The following PTGFR variants were observed in gnomAD, a reference collection of about 807,000 sequenced individuals.
The protein encoded by PTGFR is prostaglandin F receptor, also known as prostaglandin F2-alpha receptor.
In PTGFR, 15 loss-of-function variants were observed where a neutral mutation model predicts 26.2. The observed-to-expected ratio is 0.57, with a 90% CI of 0.38 to 0.88. The LOEUF is 0.88. PTGFR is among the 40% of genes least tolerant of loss of function. The probability of loss-of-function intolerance (pLI) is 0.00; values close to 1 mark genes in which losing one functional copy is unlikely to be tolerated. For synonymous variants in PTGFR, 165 were observed against 151.1 expected (o/e 1.09, Z -0.68); for missense variants, 369 against 427.2 (o/e 0.86, Z 1.20).
intron 2 of PTGFR, among the ~76,000 whole-genome samples, chr1:78,509,512 C>A (rs1347664422): frequency 6.6e-6 from 1 of 152,192 alleles, no homozygotes; most frequent in African/African-American, 2.4e-5. Context: ...AAATTTATTT[C>A]CAAATTTCAA....
At chr1:78,504,991 T>G (rs1649794371) in intron 2 of PTGFR, among the ~76,000 whole-genome samples, 1 of 152,146 alleles carries the variant, frequency 6.6e-6, no homozygotes, top group Non-Finnish European at 1.5e-5. Flanking sequence ...AATTTTAATA[T>G]AGAGTGTTTC....
At position 78,532,390 on chromosome 1, in the gene PTGFR, A is replaced by ATATATATATATATATG. The variant is rs1317673207; in HGVS notation, c.799-4009_799-4008insATATATATGTATATAT. ...TATATATATATATATATATATATAT[A>ATATATATATATATATG]TATATATGTATATATGTGTATATAT... On this transcript the variant is annotated intron_variant, in intron 2 of 2. Transcript: ENST00000370757. 345 of 132,030 alleles carry ATATATATATATATATG rather than the reference A, an allele frequency of 2.6e-3. 19 individuals carry two copies. Among genetic ancestry groups the ATATATATATATATATG allele is most frequent in the Non-Finnish European group, 4.3e-3 (268 of 62,028 alleles). 8.2% of individuals were successfully genotyped at this position (132,030 alleles called of 1,614,324 possible). A position where few individuals can be genotyped will look rare whatever the true frequency, so the allele number is the denominator to read the frequency against.
chr1:78,519,302 C>T (rs745320907), intron 2 of PTGFR, among the ~76,000 whole-genome samples: 15 of 152,046 alleles, frequency 9.9e-5, no homozygotes, highest in Non-Finnish European at 2.1e-4. Flanking sequence ...ATAGTTGCCA[C>T]GTGTCCTTCG....
chr1:78,539,560 T>C lies in PTGFR; in HGVS notation c.*2873T>C, dbSNP rs1030788839. 3 of 152,538 alleles carry C rather than the reference T, an allele frequency of 2.0e-5. No homozygotes were observed. Among genetic ancestry groups the C allele is most frequent in the African/African-American group, 4.8e-5 (2 of 41,458 alleles). The allele number at this position is 152,538 out of a possible 1,614,324, so 9.4% of individuals were successfully genotyped here. ...GTTACTGGCACATTTTAATAGTAGA[T>C]GAAACATGTTTTTCTTGGTTATGTG... On this transcript the variant is annotated 3_prime_UTR_variant, in exon 3 of 3. Transcript: ENST00000370757.
At chr1:78,513,264 G>T (rs1173257567) in intron 2 of PTGFR, among the ~76,000 whole-genome samples, 1 of 152,124 alleles carries the variant, frequency 6.6e-6, no homozygotes, top group East Asian at 1.9e-4. Context: ...CTGATTACAT[G>T]GTTGTGACCA....
chr1:78,515,045 T>TA (rs1189585301), intron 2 of PTGFR, among the ~76,000 whole-genome samples: 1 of 151,920 alleles, frequency 6.6e-6, no homozygotes, highest in African/African-American at 2.4e-5. Flanking sequence ...CAGTTTCAGG[T>TA]ATTTTTTTTT....
chr1:78,528,417 GATC>G (rs1419886840), intron 2 of PTGFR, among the ~76,000 whole-genome samples: 2 of 151,006 alleles, frequency 1.3e-5, no homozygotes, highest in African/African-American at 4.9e-5. Flanking sequence ...AAATTGACTG[GATC>G]ATCAGGAAGG....
intron 2 of PTGFR, among the ~76,000 whole-genome samples, chr1:78,513,575 A>G (rs564422864): frequency 6.6e-6 from 1 of 152,354 alleles, no homozygotes; most frequent in African/African-American, 2.4e-5. Flanking sequence ...TTATATTTAA[A>G]TGGGAAGCAG....
chr1:78,533,233 C>T (rs1650565660), intron 2 of PTGFR, among the ~76,000 whole-genome samples: 2 of 152,128 alleles, frequency 1.3e-5, no homozygotes, highest in South Asian at 4.1e-4. Flanking sequence ...CTCTAGAAAA[C>T]TAAATTAAAA....
intron 2 of PTGFR, among the ~76,000 whole-genome samples, chr1:78,525,216 A>T (rs962747274): frequency 1.3e-4 from 20 of 151,856 alleles, no homozygotes; most frequent in African/African-American, 4.8e-4. Flanking sequence ...AATTTCATAG[A>T]TATATAGCAG....
chr1:78,496,264 T>C (rs1353681521), intron 2 of PTGFR, among the ~76,000 whole-genome samples: 1 of 152,192 alleles, frequency 6.6e-6, no homozygotes, highest in Non-Finnish European at 1.5e-5. Flanking sequence ...ATATTTTCTC[T>C]TTTTTTCTCT....
At chr1:78,526,536 G>C (rs1297047114) in intron 2 of PTGFR, among the ~76,000 whole-genome samples, 1 of 152,058 alleles carries the variant, frequency 6.6e-6, no homozygotes, top group Non-Finnish European at 1.5e-5. Flanking sequence ...GAACCTGGAC[G>C]GCAGGATGAG....
intron 2 of PTGFR, among the ~76,000 whole-genome samples, chr1:78,521,682 C>G (rs1177608036): frequency 2.0e-5 from 3 of 151,948 alleles, no homozygotes; most frequent in African/African-American, 7.3e-5. Flanking sequence ...GATTCTTATA[C>G]TTCATTTTTT....
intron 2 of PTGFR, among the ~76,000 whole-genome samples, chr1:78,497,719 G>A (rs1156417553): frequency 6.6e-6 from 1 of 152,094 alleles, no homozygotes; most frequent in East Asian, 1.9e-4. Flanking sequence ...ACCAGTATAT[G>A]GATTCTGAGT....
intron 2 of PTGFR, among the ~76,000 whole-genome samples, chr1:78,521,065 T>C (rs1313806886): frequency 1.3e-5 from 2 of 152,072 alleles, no homozygotes; most frequent in African/African-American, 4.8e-5. Flanking sequence ...CTGGCTCCTC[T>C]CTCTTAATTT....
intron 2 of PTGFR, among the ~76,000 whole-genome samples, chr1:78,498,295 C>T (rs1209789065): frequency 6.6e-6 from 1 of 152,082 alleles, no homozygotes; most frequent in African/African-American, 2.4e-5. Context: ...GTGTCTTGAG[C>T]ACTTGCCTCA....
At chr1:78,501,114 A>G (rs1172737477) in intron 2 of PTGFR, among the ~76,000 whole-genome samples, 1 of 151,952 alleles carries the variant, frequency 6.6e-6, no homozygotes, top group Non-Finnish European at 1.5e-5. Flanking sequence ...AATCAGAAAC[A>G]TGTGTATTAA....
At position 78,523,271 on chromosome 1, in the gene PTGFR, T is replaced by C. The variant is rs77106085; in HGVS notation, c.799-13135T>C. 8.8e-3 allele frequency among the ~76,000 whole-genome samples: 1,340 copies of C among 152,262 alleles called. 6 individuals are homozygous for C. Among genetic ancestry groups the C allele is most frequent in the Non-Finnish European group, 0.014 (966 of 67,998 alleles). On this transcript the variant is annotated intron_variant, in intron 2 of 2. Transcript: ENST00000370757. ...TTCAAGGAGAACTGGCTTACTGATATATTTTTCCAAATTGCCCAAATTGTC... is the reference window on the plus strand; with the variant it reads ...TTCAAGGAGAACTGGCTTACTGATACATTTTTCCAAATTGCCCAAATTGTC...
chr1:78,523,812 C>T (rs1179170853), intron 2 of PTGFR, among the ~76,000 whole-genome samples: 3 of 152,006 alleles, frequency 2.0e-5, no homozygotes, highest in African/African-American at 4.8e-5. Context: ...TGGGGTCTGT[C>T]TGCATTTCAC....
Sources: allele counts gnomAD v4.1 joint callset (sites outside exome capture counted in the v4.1 genomes callset), GRCh38; gene constraint gnomAD v4.1.1; transcripts MANE v1.5; gene names NCBI Gene and HGNC (gene_info 2026-07-23, HGNC 2026-07-21).